The following PADI6 variants were observed in gnomAD, a reference collection of about 807,000 sequenced individuals.
The protein encoded by PADI6 is peptidyl arginine deiminase 6, also known as inactive protein-arginine deiminase type-6.
In PADI6, 66 loss-of-function variants were observed where a neutral mutation model predicts 78.2. The ratio of observed to expected loss-of-function variants is 0.84; its 90% CI spans 0.69 to 1.04. The LOEUF is 1.04. Among genes scored for constraint, PADI6 ranks in the 50% least tolerant of loss-of-function variants. The probability of loss-of-function intolerance (pLI) is 0.00; values close to 1 mark genes in which losing one functional copy is unlikely to be tolerated. For missense variants in PADI6, 854 were observed against 866.1 expected, an observed-to-expected ratio of 0.99 and a Z score of 0.18; for synonymous variants, 397 against 346.9, an observed-to-expected ratio of 1.14 and a Z score of -1.60.
intron 3 of PADI6, among the ~76,000 whole-genome samples, chr1:17,378,963 G>GC (rs1024128231): frequency 6.7e-6 from 1 of 149,390 alleles, no homozygotes; most frequent in African/African-American, 2.5e-5. Flanking sequence ...TTTGGGGGGG[G>GC]GGACAGAATC....
chr1:17,381,229 TG>T (rs2075069422), intron 5 of PADI6, 65 bp downstream of exon 5: 4 of 1,373,722 alleles, frequency 2.9e-6, no homozygotes, highest in Non-Finnish European at 4.0e-6. Context: ...TCTCAGCAAA[TG>T]GATTCCAGAC....
At chr1:17,396,420 G>A (rs189653098) in intron 13 of PADI6, among the ~76,000 whole-genome samples, 1 of 152,246 alleles carries the variant, frequency 6.6e-6, no homozygotes, top group East Asian at 1.9e-4. Flanking sequence ...CCCAGAAAGG[G>A]GCTGGGGGTA....
rs562617192 is a variant in PADI6 at position 17,392,208 on chromosome 1, C to T, written c.1057C>T (p.Leu353=). The change falls in exon 9 of 16, where the codon CTG becomes TTG. Residue 353 remains leucine, a synonymous_variant. Coordinates refer to ENST00000619609, the MANE Select transcript of PADI6 (RefSeq NM_207421.4). ...ATCTGTCTATGAGGACCCCAACCGC[C>T]TGGGCAGGTGGCTCCAGGTAACACC... ...VASVYEDPNR[L]GRWLQDEMAF... 6 of 1,556,182 alleles carry T rather than the reference C, an allele frequency of 3.9e-6. No individual in the cohort carries two copies. In the East Asian group the frequency reaches 9.7e-5, roughly 25 times the overall value.
intron 6 of PADI6, among the ~76,000 whole-genome samples, chr1:17,383,842 T>A (rs180999948): frequency 3.1e-3 from 468 of 151,508 alleles, no homozygotes; most frequent in Admixed American, 5.6e-3. Flanking sequence ...ATAATTTTTT[T>A]AAAAAAACTT....
chr1:17,398,974 GA>G (rs2075274864), intron 15 of PADI6, 127 bp downstream of exon 15: 4 of 1,078,322 alleles, frequency 3.7e-6, no homozygotes, highest in Non-Finnish European at 5.3e-6. Flanking sequence ...AAATGGGAGG[GA>G]GACCCCTTCT....
intron 2 of PADI6, 74 bp downstream of exon 2, chr1:17,373,307 G>T: frequency 6.5e-7 from 1 of 1,538,324 alleles, no homozygotes; most frequent in East Asian, 2.3e-5. Flanking sequence ...CTTCCTCCTG[G>T]CTGCAGACGT....
In PADI6 at chr1:17,394,079, A is replaced by G; in HGVS notation, c.1179A>G (p.Ser393=). Residue 393 remains serine (S), a synonymous_variant, in exon 10 of 16, where the codon TCA becomes TCG. Coordinates refer to ENST00000619609, the MANE Select transcript of PADI6 (RefSeq NM_207421.4). The stretch of plus-strand genomic sequence containing the variant: ...TCGATGAGTTCCCCATGAAGTACTC[A>G]CTGGTGTGGAACTTGGTTTGGCTAA... ...ADLDEFPMKY[S]LSPGIGYMIQ... 2 of 1,612,960 alleles carry G rather than the reference A, an allele frequency of 1.2e-6. No homozygotes were observed. Among genetic ancestry groups the G allele is most frequent in the Non-Finnish European group, 1.7e-6 (2 of 1,179,072 alleles).
At chr1:17,376,274 T>C (rs113433975) in intron 3 of PADI6, among the ~76,000 whole-genome samples, 4,262 of 149,568 alleles carry the variant, frequency 0.028, 219 homozygotes, top group African/African-American at 0.098. Flanking sequence ...TGCCTGGCCA[T>C]ATCATCTCTC....
chr1:17,387,323 T>C (rs899035125), intron 6 of PADI6, among the ~76,000 whole-genome samples: 18 of 152,192 alleles, frequency 1.2e-4, no homozygotes, highest in African/African-American at 3.1e-4. Context: ...TGCACACCTA[T>C]AGTCCTAGCT....
chr1:17,398,840 C>T lies in PADI6; in HGVS notation c.1844C>T (p.Pro615Leu), dbSNP rs2075273532. The T allele has an allele frequency of 6.2e-7, 1 of 1,613,278 alleles. No homozygotes were observed. The highest frequency in any genetic ancestry group is 1.7e-5 in the Admixed American group (1 of 59,966). Reference sequence around the variant, plus strand: ...AGGTCCTTTGCGAGGCCATACTTCCCTGACCTGGTGAGGGGCGACTGCGCA... The same window carrying T: ...AGGTCCTTTGCGAGGCCATACTTCCTTGACCTGGTGAGGGGCGACTGCGCA... ...PKRSFARPYFPDLLRMIVMGK... is the reference protein window; with the variant it reads ...PKRSFARPYFLDLLRMIVMGK... The change falls in exon 15 of 16, where the codon CCT becomes CTT. Residue 615 changes from proline to leucine, a missense_variant. Transcript: ENST00000619609.
At chr1:17,378,736 C>A (rs1557597379) in intron 3 of PADI6, among the ~76,000 whole-genome samples, 1 of 151,912 alleles carries the variant, frequency 6.6e-6, no homozygotes, top group Non-Finnish European at 1.5e-5. Flanking sequence ...TCCTGAGTAG[C>A]TGGAACTACA....
At chr1:17,387,466 G>T (rs146626670) in intron 6 of PADI6, among the ~76,000 whole-genome samples, 50 of 151,666 alleles carry the variant, frequency 3.3e-4, no homozygotes, top group Non-Finnish European at 4.1e-4. Flanking sequence ...GGAGGGGGGG[G>T]GGCCAGGCGT....
chr1:17,394,192 G>A lies in PADI6; in HGVS notation c.1183-108G>A, dbSNP rs1031826474. The A allele has an allele frequency of 3.0e-4, 422 of 1,423,346 alleles. 1 individual carries two copies. Among genetic ancestry groups the A allele is most frequent in the Admixed American group, 5.5e-4 (24 of 43,994 alleles). 88.2% of individuals were successfully genotyped at this position (1,423,346 alleles called of 1,614,324 possible). A position where few individuals can be genotyped will look rare whatever the true frequency, so the allele number is the denominator to read the frequency against. ...GGAGAGGGCCCAGGTGGCCTCTGAG[G>A]GGGGAGGGGACGTGGAAGTCTACCT... On this transcript the variant is annotated intron_variant, in intron 10 of 15. Coordinates refer to ENST00000619609, the MANE Select transcript of PADI6 (RefSeq NM_207421.4).
intron 9 of PADI6, 35 bp downstream of exon 9, chr1:17,392,260 G>C (rs74058825): frequency 0.039 from 56,857 of 1,468,278 alleles, 1,296 homozygotes; most frequent in African/African-American, 0.054. Flanking sequence ...CTGTCGGGGA[G>C]GGGTGGGGAG....
intron 15 of PADI6, 80 bp downstream of exon 15, chr1:17,398,927 C>T (rs1313004042): frequency 2.1e-6 from 3 of 1,442,088 alleles, no homozygotes; most frequent in Non-Finnish European, 1.9e-6. Context: ...TGCTGGACTG[C>T]AGATATGGTG....
Position 17,378,956 on chromosome 1 carries a change from G to A in PADI6, c.368-964G>A, listed in dbSNP as rs6663329. 5.9e-4 allele frequency among the ~76,000 whole-genome samples: 52 copies of A among 88,478 alleles called. 1 individual carries two copies. The highest frequency in any genetic ancestry group is 2.7e-3 in the African/African-American group (49 of 17,890). The allele number at this position is 88,478 out of a possible 152,430, so 58.0% of individuals were successfully genotyped here. On this transcript the variant is annotated intron_variant, in intron 3 of 15. Transcript: ENST00000619609. ...AATTGTCATGTATTGAATTTTTTTT[G>A]GGGGGGGGGACAGAATCTTGCTCTG... is the stretch of plus-strand genomic sequence containing the variant.
intron 2 of PADI6, 57 bp downstream of exon 2, chr1:17,373,290 A>C: frequency 6.3e-7 from 1 of 1,578,846 alleles, no homozygotes; most frequent in Non-Finnish European, 8.6e-7. Flanking sequence ...TAGCACAGCC[A>C]CTGGGGCTTC....
In PADI6 at chr1:17,379,910, T is replaced by C. The variant is rs1333730021; in HGVS notation, c.368-10T>C. The C allele has an allele frequency of 1.2e-6, 2 of 1,612,780 alleles. No homozygotes were observed. The highest frequency in any genetic ancestry group is 4.5e-5 in the East Asian group (2 of 44,868). On this transcript the variant is annotated splice_polypyrimidine_tract_variant and intron_variant, in intron 3 of 15. Coordinates refer to ENST00000619609, the MANE Select transcript of PADI6 (RefSeq NM_207421.4). The stretch of plus-strand genomic sequence containing the variant: ...CAAGGTGGCTGGGACACCCTTTTCT[T>C]CTGTTTCAGAGGTCTCTCTAGAGGT...
rs747256729 is a variant in PADI6, at chr1:17,394,373, T to G, written c.1256T>G (p.Leu419Arg). ...GCCAGCATGGATTCCATTGGGAACC[T>G]GATGGTGTCCCCACCTGTCAAGGTC... is the stretch of plus-strand genomic sequence containing the variant. ...KVASMDSIGN[L>R]MVSPPVKVQG... Residue 419 changes from leucine (L) to arginine (R), a missense_variant, in exon 11 of 16, where the codon CTG becomes CGG. By Grantham distance (102) the Leu-to-Arg change is moderately radical. Transcript: ENST00000619609. 5.0e-6 allele frequency: 8 copies of G among 1,613,626 alleles called. No individual in the cohort carries two copies. The highest frequency in any genetic ancestry group is 5.9e-6 in the Non-Finnish European group (7 of 1,179,802).
Sources: gnomAD v4.1 joint callset for allele counts (sites outside exome capture counted in the v4.1 genomes callset) on GRCh38, gnomAD v4.1.1 for gene constraint, MANE v1.5 for transcripts, NCBI Gene and HGNC (gene_info 2026-07-23, HGNC 2026-07-21) for gene names.